Variants in SELENOI observed in about 807,000 individuals in gnomAD.
SELENOI encodes ethanolaminephosphotransferase 1.
Under a neutral mutation model 50.7 loss-of-function variants are expected in SELENOI, and 24 were observed. The observed-to-expected ratio is 0.47, with a 90% CI of 0.34 to 0.67. The LOEUF is 0.67. SELENOI is among the 30% of genes least tolerant of loss of function. SELENOI has a pLI of 0.01. For synonymous variants in SELENOI, 155 were observed against 170.2 expected, an observed-to-expected ratio of 0.91 and a Z score of 0.70; for missense variants, 352 against 461.4, an observed-to-expected ratio of 0.76 and a Z score of 2.17.
intron 1 of SELENOI, among the ~76,000 whole-genome samples, chr2:26,363,534 T>A (rs1677225342): frequency 6.6e-6 from 1 of 152,158 alleles, no homozygotes; most frequent in African/African-American, 2.4e-5. Context: ...AAAAGCTGAT[T>A]GAGAGTGAAG....
chr2:26,389,357 G>A lies in SELENOI; in HGVS notation c.*254G>A, dbSNP rs1384896991. ...GTTAGACCAGCAAAATGTTCCTAAT[G>A]GTTCTAACTTCGTGAGTTTACAATG... On this transcript the variant is annotated 3_prime_UTR_variant, in exon 10 of 10. Transcript: ENST00000260585. The A allele has an allele frequency of 2.8e-6, 1 of 355,980 alleles. No homozygotes were observed. Among genetic ancestry groups the A allele is most frequent in the Non-Finnish European group, 5.2e-6 (1 of 193,798 alleles). The allele number at this position is 355,980 out of a possible 1,614,324, so 22.1% of individuals were successfully genotyped here. A position where few individuals can be genotyped will look rare whatever the true frequency, so the allele number is the denominator to read the frequency against.
At chr2:26,384,573 T>C (rs2147962600) in intron 7 of SELENOI, among the ~76,000 whole-genome samples, 1 of 152,364 alleles carries the variant, frequency 6.6e-6, no homozygotes, top group South Asian at 2.1e-4. Flanking sequence ...AGCCGCACTT[T>C]GAGGTACTCT....
rs371801047 is a variant in SELENOI, at chr2:26,392,039, AAAAG to A, written c.*2941_*2944del. The A allele has an allele frequency of 1.5e-3, 233 of 152,360 alleles. No homozygotes were observed. Among genetic ancestry groups the A allele is most frequent in the African/African-American group, 5.3e-3 (222 of 41,586 alleles). 9.4% of individuals were successfully genotyped at this position (152,360 alleles called of 1,614,324 possible). ...TGAAATACTTTTAATTCTAATTTTC[AAAAG>A]AAAGCTAAATGCTGATTGTGGTTTA... is the stretch of plus-strand genomic sequence containing the variant. On this transcript the variant is annotated 3_prime_UTR_variant, in exon 10 of 10. Coordinates refer to ENST00000260585, the MANE Select transcript of SELENOI (RefSeq NM_033505.4).
Position 26,367,264 on chromosome 2 carries a change from T to A in SELENOI, c.310+44T>A, listed in dbSNP as rs755231244. ...CTTACTATAGTCAGTGACTGGTGAA[T>A]CAGCAAGGATAGCCACGTATTAAAA... On this transcript the variant is annotated intron_variant, in intron 4 of 9. Transcript: ENST00000260585. The A allele has an allele frequency of 2.1e-6, 3 of 1,453,618 alleles. No homozygotes were observed. In the South Asian group the frequency reaches 3.7e-5, roughly 18 times the overall value. 90.0% of individuals were successfully genotyped at this position (1,453,618 alleles called of 1,614,324 possible).
chr2:26,378,305 C>A (rs1232353527), intron 6 of SELENOI, among the ~76,000 whole-genome samples: 1 of 152,194 alleles, frequency 6.6e-6, no homozygotes, highest in African/African-American at 2.4e-5. Context: ...GTTGGGAACA[C>A]ACTTAGTAAG....
intron 3 of SELENOI, among the ~76,000 whole-genome samples, chr2:26,366,846 T>C (rs34187973): frequency 0.027 from 4,177 of 152,268 alleles, 157 homozygotes; most frequent in African/African-American, 0.088. Flanking sequence ...ATTCCAAAAA[T>C]ATATTATTTT....
At chr2:26,385,240 CTT>C (rs1299284405) in intron 8 of SELENOI, 101 bp downstream of exon 8, 12 of 709,402 alleles carry the variant, frequency 1.7e-5, no homozygotes, top group Non-Finnish European at 2.2e-5. Context: ...CAGATTTTAA[CTT>C]AAAGATTTTT....
chr2:26,367,052 G>T, intron 3 of SELENOI, 94 bp from the exon 4 acceptor site: 1 of 1,061,354 alleles, frequency 9.4e-7, no homozygotes, highest in South Asian at 1.6e-5. Flanking sequence ...AACTTCTAAT[G>T]AACAAATAGC....
At chr2:26,369,377 A>G (rs75938386) in intron 4 of SELENOI, among the ~76,000 whole-genome samples, 1,583 of 152,246 alleles carry the variant, frequency 0.01, 37 homozygotes, top group African/African-American at 0.036. Flanking sequence ...AGTATCTAAA[A>G]TTGTACTCTG....
At chr2:26,353,500 T>C (rs1574748703) in intron 1 of SELENOI, among the ~76,000 whole-genome samples, 2 of 152,238 alleles carry the variant, frequency 1.3e-5, no homozygotes, top group African/African-American at 4.8e-5. Context: ...TGGCATTGCC[T>C]GGATCCATTA....
chr2:26,378,345 A>G (rs1351956858), intron 6 of SELENOI, among the ~76,000 whole-genome samples: 1 of 152,108 alleles, frequency 6.6e-6, no homozygotes, highest in Non-Finnish European at 1.5e-5. Flanking sequence ...CTCACCAAGA[A>G]CACCTCTGTC....
chr2:26,364,420 T>C, intron 2 of SELENOI, 50 bp downstream of exon 2: 1 of 1,197,498 alleles, frequency 8.4e-7, no homozygotes, highest in South Asian at 1.3e-5. Context: ...GTTTTAAAGA[T>C]TTTAACCTAT....
In SELENOI at chr2:26,375,005, G is replaced by C. The variant is rs757691585; in HGVS notation, c.574-35G>C. ...GACTCCTGATCTTTCTAGCGTTAAT[G>C]CTTCTGTATGCTTTTGTCTGCATTT... On this transcript the variant is annotated intron_variant, in intron 5 of 9. Transcript: ENST00000260585. The C allele has an allele frequency of 5.3e-5, 75 of 1,411,700 alleles. 1 individual carries two copies. Among genetic ancestry groups the C allele is most frequent in the Non-Finnish European group, 7.2e-5 (72 of 999,638 alleles). 87.4% of individuals were successfully genotyped at this position (1,411,700 alleles called of 1,614,324 possible).
chr2:26,360,006 T>G (rs533057911), intron 1 of SELENOI, among the ~76,000 whole-genome samples: 1 of 152,334 alleles, frequency 6.6e-6, no homozygotes, highest in Non-Finnish European at 1.5e-5. Flanking sequence ...GCCTGATAGA[T>G]TGTAGAGCCA....
In SELENOI at chr2:26,384,567, G is replaced by A. The variant is rs561098092; in HGVS notation, c.732-392G>A. 1.4e-4 allele frequency among the ~76,000 whole-genome samples: 21 copies of A among 152,214 alleles called. 1 individual carries two copies. The highest frequency in any genetic ancestry group is 1.9e-4 in the East Asian group (1 of 5,188). On this transcript the variant is annotated intron_variant, in intron 7 of 9. Coordinates refer to ENST00000260585, the MANE Select transcript of SELENOI (RefSeq NM_033505.4). ...TTCTCTATCACTTTGTGTCAAAGCC[G>A]CACTTTGAGGTACTCTTCTAGTATT...
At position 26,364,851 on chromosome 2, in the gene SELENOI, C is replaced by T. The variant is rs765844493; in HGVS notation, c.146C>T (p.Ala49Val). ...AAATAGGTATTTCCTACTTGGCTGG[C>T]GCCCAATCTGATAACTTTTTCTGGC... is the stretch of plus-strand genomic sequence containing the variant. ...TIVKVFPTWL[A>V]PNLITFSGFL... Residue 49 changes from alanine (A) to valine (V), a missense_variant, in exon 3 of 10, where the codon GCG becomes GTG. Ala to Val is a moderately conservative substitution (Grantham distance 64). Transcript: ENST00000260585. The T allele has an allele frequency of 6.2e-6, 10 of 1,608,650 alleles. No homozygotes were observed. The highest frequency in any genetic ancestry group is 2.7e-5 in the African/African-American group (2 of 74,754).
At chr2:26,371,043 T>A (rs1309846145) in intron 4 of SELENOI, among the ~76,000 whole-genome samples, 2 of 107,232 alleles carry the variant, frequency 1.9e-5, no homozygotes, top group Admixed American at 9.7e-5. Context: ...CACTTCCCAG[T>A]AGGGGCGGCC....
chr2:26,380,267 A>C (rs971789318), intron 6 of SELENOI, among the ~76,000 whole-genome samples: 1 of 152,040 alleles, frequency 6.6e-6, no homozygotes, highest in African/African-American at 2.4e-5. Flanking sequence ...TTAGTTTTTA[A>C]TTTTATGGCT....
chr2:26,371,462 G>C (rs987329167), intron 4 of SELENOI, among the ~76,000 whole-genome samples: 22 of 152,088 alleles, frequency 1.4e-4, no homozygotes, highest in African/African-American at 5.3e-4. Flanking sequence ...ATGGGGTGGC[G>C]GCCGGGCAGA....
Sources: gnomAD v4.1 joint callset for allele counts (sites outside exome capture counted in the v4.1 genomes callset) on GRCh38, gnomAD v4.1.1 for gene constraint, MANE v1.5 for transcripts, NCBI Gene and HGNC (gene_info 2026-07-23, HGNC 2026-07-21) for gene names.